Variants in TENM4 observed in about 807,000 individuals in gnomAD.
TENM4 encodes the protein teneurin transmembrane protein 4, also known as teneurin-4.
In TENM4, 82 loss-of-function variants were observed where a neutral mutation model predicts 243.3. The observed-to-expected ratio is 0.34, with a 90% CI of 0.28 to 0.40. The LOEUF is 0.40. TENM4 is among the 10% of genes least tolerant of loss of function. TENM4 has a pLI of 1.00. For synonymous variants in TENM4, 1,412 were observed against 1,456.3 expected (o/e 0.97, Z 0.69); for missense variants, 3,138 against 3,673.3 (o/e 0.85, Z 3.77).
chr11:79,197,536 A>G (rs371734066), intron 3 of TENM4, among the ~76,000 whole-genome samples: 7 of 152,162 alleles, frequency 4.6e-5, no homozygotes, highest in African/African-American at 1.7e-4. Context: ...AGTACCCAGA[A>G]TTCCAGTTTA....
In TENM4 at chr11:78,658,300, C is replaced by A; in HGVS notation, c.8068G>T (p.Val2690Phe). Residue 2690 changes from valine (V) to phenylalanine (F), a missense_variant, in exon 34 of 34, where the codon GTC becomes TTC. Val to Phe is a conservative substitution (Grantham distance 50). This residue lies in a region of TENM4 where 2,467 missense variants were observed against 3,059.1 expected (regional missense o/e 0.81). Transcript: ENST00000278550. ...GCTCTCTGCCGGGCCAGCTCCAGGA[C>A]CCGTGCCTTCTCCTCATCCAACGTT... ...GTTLDEEKAR[V>F]LELARQRAVR... 6.2e-7 allele frequency: 1 copy of A among 1,613,012 alleles called. No individual in the cohort carries two copies. Among genetic ancestry groups the A allele is most frequent in the Non-Finnish European group, 8.5e-7 (1 of 1,179,210 alleles).
chr11:78,922,683 A>G (rs1325417277), intron 6 of TENM4, among the ~76,000 whole-genome samples: 1 of 152,258 alleles, frequency 6.6e-6, no homozygotes, highest in Admixed American at 6.5e-5. Context: ...CACGTCAAAC[A>G]TGTGATTATA....
In TENM4 at chr11:78,657,195, A is replaced by G; in HGVS notation, c.*863T>C. On this transcript the variant is annotated 3_prime_UTR_variant, in exon 34 of 34. Coordinates refer to ENST00000278550, the MANE Select transcript of TENM4 (RefSeq NM_001098816.3). ...CTTTGGGAGAAAGGAGGAGATGAAC[A>G]GGAACATCATGGAGGACCAACCAAT... 1 of 398,782 alleles carries G rather than the reference A, an allele frequency of 2.5e-6. No homozygotes were observed. The highest frequency in any genetic ancestry group is 4.4e-6 in the Non-Finnish European group (1 of 226,196). 24.7% of individuals were successfully genotyped at this position (398,782 alleles called of 1,614,324 possible).
intron 6 of TENM4, among the ~76,000 whole-genome samples, chr11:78,904,448 T>C (rs1232755773): frequency 6.7e-6 from 1 of 150,110 alleles, no homozygotes; most frequent in Non-Finnish European, 1.5e-5. Flanking sequence ...CTGTGGCCTG[T>C]GTATGTAAGG....
chr11:78,927,626 G>C (rs1027089356), intron 6 of TENM4, among the ~76,000 whole-genome samples: 1 of 152,142 alleles, frequency 6.6e-6, no homozygotes, highest in African/African-American at 2.4e-5. Flanking sequence ...ATCTCAAAGC[G>C]CTTATTCAAC....
chr11:79,083,237 A>G (rs1267754379), intron 4 of TENM4, among the ~76,000 whole-genome samples: 1 of 152,206 alleles, frequency 6.6e-6, no homozygotes, highest in African/African-American at 2.4e-5. Flanking sequence ...GGATCCAGGA[A>G]TAGGCCCCAG....
At chr11:78,999,600 G>GA (rs1317406894) in intron 6 of TENM4, among the ~76,000 whole-genome samples, 1 of 152,128 alleles carries the variant, frequency 6.6e-6, no homozygotes, top group African/African-American at 2.4e-5. Context: ...CTTCATAAGT[G>GA]AAAATTAGAA....
At chr11:78,983,068 G>A (rs779294905) in intron 6 of TENM4, among the ~76,000 whole-genome samples, 14 of 152,288 alleles carry the variant, frequency 9.2e-5, no homozygotes, top group East Asian at 3.9e-4. Flanking sequence ...TACCCTTGCC[G>A]GTATCTTTTC....
Position 78,670,005 on chromosome 11 carries a change from A to G in TENM4, c.6340T>C (p.Ser2114Pro). Residue 2114 changes from serine to proline, a missense_variant, in exon 32 of 34, where the codon TCA becomes CCA. Ser to Pro is a moderately conservative substitution (Grantham distance 74). Around this residue, in one of 2 missense-constraint regions of TENM4, gnomAD observed 2,467 missense variants for 3,059.1 expected, o/e 0.81. Coordinates refer to ENST00000278550, the MANE Select transcript of TENM4 (RefSeq NM_001098816.3). The part of the protein sequence containing the change: ...PIDLYRYDDV[S>P]GKTEQFGKFG... The stretch of plus-strand genomic sequence containing the variant: ...TTCCCAAACTGCTCTGTCTTGCCTG[A>G]CACATCATCATAGCGATAGAGATCA... 1 of 1,613,984 alleles carries G rather than the reference A, an allele frequency of 6.2e-7. No individual in the cohort carries two copies. Among genetic ancestry groups the G allele is most frequent in the Non-Finnish European group, 8.5e-7 (1 of 1,179,894 alleles).
In TENM4 at chr11:78,669,187, C is replaced by T. The variant is rs1217043243; in HGVS notation, c.7158G>A (p.Gly2386=). 6 of 1,611,322 alleles carry T rather than the reference C, an allele frequency of 3.7e-6. No homozygotes were observed. Among genetic ancestry groups the T allele is most frequent in the Admixed American group, 3.3e-5 (2 of 59,796 alleles). Residue 2386 remains glycine (G), a synonymous_variant, in exon 32 of 34, where the codon GGG becomes GGA. Coordinates refer to ENST00000278550, the MANE Select transcript of TENM4 (RefSeq NM_001098816.3). This position sits in a 1 kb window ranked among gnomAD's most constrained non-coding sequence, Gnocchi z 6.4. ...TGGGGTTGGTATCCATGTAGATCTC[C>T]CCATAGGCTGTGTACAGGATTTGCT... The part of the protein sequence containing the change: ...MIKQILYTAY[G]EIYMDTNPNF...
chr11:79,331,716 G>T (rs945923200), intron 1 of TENM4, among the ~76,000 whole-genome samples: 21 of 152,204 alleles, frequency 1.4e-4, no homozygotes, highest in African/African-American at 4.6e-4. Flanking sequence ...GCTATAAATT[G>T]TCAAGCCTAA....
intron 4 of TENM4, among the ~76,000 whole-genome samples, chr11:79,089,963 GC>G (rs1860907497): frequency 6.6e-6 from 1 of 152,290 alleles, no homozygotes; most frequent in African/African-American, 2.4e-5. Context: ...CATTTTTTTA[GC>G]TATATCATGG....
intron 8 of TENM4, 23 bp from the exon 9 acceptor site, chr11:78,890,043 G>A (rs946571173): frequency 6.6e-7 from 1 of 1,510,358 alleles, no homozygotes; most frequent in African/African-American, 1.4e-5. Context: ...AGCAGCAAGA[G>A]GGTGTCAGGG....
chr11:79,086,958 T>C (rs1264759750), intron 4 of TENM4, among the ~76,000 whole-genome samples: 1 of 152,204 alleles, frequency 6.6e-6, no homozygotes. Context: ...TCTACCATTC[T>C]GTACCTTTTT....
intron 3 of TENM4, among the ~76,000 whole-genome samples, chr11:79,184,163 G>A (rs540556731): frequency 4.1e-4 from 63 of 152,170 alleles, no homozygotes; most frequent in South Asian, 1.2e-3. Flanking sequence ...AATATTATTC[G>A]GCCTTATAAA....
At chr11:78,948,064 C>T (rs182116923) in intron 6 of TENM4, among the ~76,000 whole-genome samples, 13 of 152,294 alleles carry the variant, frequency 8.5e-5, no homozygotes, top group African/African-American at 3.1e-4. Flanking sequence ...TAAGTACAGG[C>T]ACTCCCATTT....
rs997714730 is a variant in TENM4, at chr11:79,215,849, G to A, written c.-204C>T. The A allele has an allele frequency of 1.2e-5, 12 of 985,612 alleles. No homozygotes were observed. Among genetic ancestry groups the A allele is most frequent in the Admixed American group, 6.2e-5 (1 of 16,258 alleles). 61.1% of individuals were successfully genotyped at this position (985,612 alleles called of 1,614,324 possible). The stretch of plus-strand genomic sequence containing the variant: ...ACGTTCTGAAGAGTCAGCAATGTCC[G>A]TGGGCCCTGCAGCCCTCTCTCCAAG... On this transcript the variant is annotated 5_prime_UTR_variant, in exon 3 of 34. It adds an upstream start codon to the 5' untranslated region. Transcript: ENST00000278550.
intron 5 of TENM4, 58 bp from the exon 6 acceptor site, chr11:79,065,065 T>C: frequency 2.8e-6 from 4 of 1,431,950 alleles, no homozygotes; most frequent in Non-Finnish European, 2.8e-6. Flanking sequence ...TGCGTCTGCC[T>C]CTGCCTGAAG....
intron 12 of TENM4, among the ~76,000 whole-genome samples, chr11:78,827,152 T>C (rs567844): frequency 0.39 from 59,053 of 152,154 alleles, 12,089 homozygotes; most frequent in Middle Eastern, 0.53. Context: ...AACTATATTT[T>C]TCCAGTTTAC....
Sources: gnomAD v4.1 joint callset for allele counts (sites outside exome capture counted in the v4.1 genomes callset) on GRCh38, gnomAD v4.1.1 for gene constraint, gnomAD v4.1.1 regional missense constraint, Gnocchi (gnomAD v3.1) non-coding constraint, MANE v1.5 for transcripts, NCBI Gene and HGNC (gene_info 2026-07-23, HGNC 2026-07-21) for gene names.